BCAR3: variants seen among roughly 807,000 people sequenced by gnomAD.
The protein encoded by BCAR3 is breast cancer anti-estrogen resistance protein 3.
A neutral mutation model predicts 80.1 loss-of-function variants in BCAR3; 37 were observed. The ratio of observed to expected loss-of-function variants is 0.46; its 90% CI spans 0.36 to 0.61. The LOEUF is 0.61. Ranked by LOEUF, BCAR3 falls within the 20% of genes least tolerant of loss-of-function variation. BCAR3 has a pLI of 0.00. For missense variants in BCAR3, 978 were observed against 1,068.2 expected (o/e 0.92, Z 1.18); for synonymous variants, 389 against 418.9 (o/e 0.93, Z 0.87).
intron 2 of BCAR3, among the ~76,000 whole-genome samples, chr1:93,826,666 G>A (rs1654383565): frequency 6.6e-6 from 1 of 152,208 alleles, no homozygotes; most frequent in Non-Finnish European, 1.5e-5. Flanking sequence ...GAGAAGGAAA[G>A]TCAGGGTGCT....
intron 3 of BCAR3, among the ~76,000 whole-genome samples, chr1:93,617,232 C>T (rs565613164): frequency 2.2e-4 from 33 of 152,324 alleles, no homozygotes; most frequent in African/African-American, 5.5e-4. Context: ...CAAAGCACCA[C>T]GGTCCCTGCT....
chr1:93,730,311 T>A (rs1650740311), intron 2 of BCAR3, among the ~76,000 whole-genome samples: 2 of 152,098 alleles, frequency 1.3e-5, no homozygotes, highest in South Asian at 2.1e-4. Context: ...ACCTGGAACT[T>A]TCCATCTTAT....
intron 3 of BCAR3, among the ~76,000 whole-genome samples, chr1:93,700,134 G>A (rs1649584759): frequency 6.6e-6 from 1 of 152,212 alleles, no homozygotes; most frequent in South Asian, 2.1e-4. Context: ...CCAGGAGTAT[G>A]CCAATTGCAC....
At chr1:93,747,322 C>T (rs548289272) in intron 2 of BCAR3, among the ~76,000 whole-genome samples, 1 of 147,978 alleles carries the variant, frequency 6.8e-6, no homozygotes, top group African/African-American at 2.7e-5. Flanking sequence ...TGTCCAGGTT[C>T]TAGAAGTAGT....
In BCAR3 at chr1:93,707,172, T is replaced by G. The variant is rs1011455452; in HGVS notation, c.-62-1030A>C. On this transcript the variant is annotated intron_variant, in intron 2 of 13. Coordinates refer to the BCAR3 transcript ENST00000370244. ...CCTAGGTGACAACAGCAAGACTCCA[T>G]CTCAAAAAAACAAAAAAAGTATACA... 2.3e-4 allele frequency among the ~76,000 whole-genome samples: 35 copies of G among 151,808 alleles called. 4 individuals carry two copies. The highest frequency in any genetic ancestry group is 1.1e-3 in the Admixed American group (17 of 15,256).
rs116324647 is a variant in BCAR3 at position 93,586,456 on chromosome 1, G to C, written c.930-2335C>G. Among the ~76,000 whole-genome samples, 1,778 of 152,240 alleles carry C rather than the reference G, an allele frequency of 0.012. 37 individuals are homozygous for C. The highest frequency in any genetic ancestry group is 0.04 in the African/African-American group (1,659 of 41,522). The stretch of plus-strand genomic sequence containing the variant: ...TCCCTTATCTATTCAGCTGTTGATG[G>C]ACACTTAGGCTGCTTCCAAATCTTA... On this transcript the variant is annotated intron_variant, in intron 5 of 11. Transcript: ENST00000260502. This position sits in a 1 kb window ranked among gnomAD's most constrained non-coding sequence, Gnocchi z 4.2.
chr1:93,691,880 C>T (rs888981128), intron 3 of BCAR3, among the ~76,000 whole-genome samples: 5 of 152,114 alleles, frequency 3.3e-5, no homozygotes, highest in Admixed American at 1.3e-4. Context: ...CAGGGGTGTA[C>T]GATCCCACAC....
intron 2 of BCAR3, chr1:93,753,085 T>C (rs1048159195): frequency 2.0e-5 from 3 of 152,252 alleles, no homozygotes; most frequent in Admixed American, 1.3e-4. Flanking sequence ...ACAGTTTAAA[T>C]GTGAACACTT....
At chr1:93,727,803 C>T (rs573628748) in intron 2 of BCAR3, among the ~76,000 whole-genome samples, 46 of 152,342 alleles carry the variant, frequency 3.0e-4, no homozygotes, top group African/African-American at 1.1e-3. Context: ...CCAAAAGACA[C>T]ATCCACTTTG....
At chr1:93,566,458 C>T (rs1256360757) in intron 11 of BCAR3, among the ~76,000 whole-genome samples, 1 of 152,108 alleles carries the variant, frequency 6.6e-6, no homozygotes, top group African/African-American at 2.4e-5. Flanking sequence ...AGCACGGTGC[C>T]GCGCGCATGC....
chr1:93,566,997 G>A (rs958365198), intron 11 of BCAR3, among the ~76,000 whole-genome samples: 1 of 152,110 alleles, frequency 6.6e-6, no homozygotes, highest in Non-Finnish European at 1.5e-5. Flanking sequence ...CAGAGTGCTG[G>A]GATTACAGGC....
intron 3 of BCAR3, among the ~76,000 whole-genome samples, chr1:93,612,378 A>G (rs1674978324): frequency 6.6e-6 from 1 of 152,108 alleles, no homozygotes; most frequent in African/African-American, 2.4e-5. Context: ...CACAAGCTGA[A>G]GGACAGCTGG....
intron 2 of BCAR3, among the ~76,000 whole-genome samples, chr1:93,657,873 TCTAGATGGTGA>T (rs1427037338): frequency 2.6e-5 from 4 of 151,988 alleles, no homozygotes; most frequent in African/African-American, 9.7e-5. Context: ...CAAGTGTCAT[TCTAGATGGTGA>T]AGTATTAGAA....
In BCAR3 at chr1:93,582,925, A is replaced by C. The variant is rs1343855878; in HGVS notation, c.1062T>G (p.Gly354=). The C allele has an allele frequency of 2.5e-6, 4 of 1,596,968 alleles. No individual in the cohort carries two copies. The highest frequency in any genetic ancestry group is 3.4e-6 in the Non-Finnish European group (4 of 1,175,058). The change falls in exon 7 of 12, where the codon GGT becomes GGG. Residue 354 remains glycine (G), a synonymous_variant. Coordinates refer to ENST00000260502, the MANE Select transcript of BCAR3 (RefSeq NM_003567.4). ...AGTTTGGGCAGGGGCTTGTGTCCACACCCGAGGACTGAGGTGGCAGCTTGC... is the reference window on the plus strand; with the variant it reads ...AGTTTGGGCAGGGGCTTGTGTCCACCCCCGAGGACTGAGGTGGCAGCTTGC... The part of the protein sequence containing the change: ...IGCKLPPQSS[G]VDTSPCPNSP...
Position 93,823,950 on chromosome 1 carries a change from G to A in BCAR3, c.-63+21617C>T, listed in dbSNP as rs1397310643. Among the ~76,000 whole-genome samples, 5 of 133,202 alleles carry A rather than the reference G, an allele frequency of 3.8e-5. No individual in the cohort carries two copies. The Admixed American group carries it at 3.9e-4, about 10-fold the overall frequency. The allele number at this position is 133,202 out of a possible 152,430, so 87.4% of individuals were successfully genotyped here. The stretch of plus-strand genomic sequence containing the variant: ...CCTGACCTCGTGATCCACCCTCCTC[G>A]GCCTCCCAAAGTGCTAGGATTACAG... On this transcript the variant is annotated intron_variant, in intron 2 of 13. Coordinates refer to the BCAR3 transcript ENST00000370244.
intron 7 of BCAR3, among the ~76,000 whole-genome samples, chr1:93,580,494 A>C (rs1340166571): frequency 6.6e-6 from 1 of 150,676 alleles, no homozygotes; most frequent in Non-Finnish European, 1.5e-5. Flanking sequence ...TCAACCAACC[A>C]AGGATCAAAA....
chr1:93,834,937 C>T (rs1247420892), intron 2 of BCAR3, among the ~76,000 whole-genome samples: 2 of 152,182 alleles, frequency 1.3e-5, no homozygotes, highest in Non-Finnish European at 2.9e-5. Context: ...TCCTTCTTTC[C>T]TGTTCCTCAC....
intron 2 of BCAR3, among the ~76,000 whole-genome samples, chr1:93,835,696 G>A (rs1412591044): frequency 6.6e-6 from 1 of 152,062 alleles, no homozygotes; most frequent in Non-Finnish European, 1.5e-5. Flanking sequence ...ACTCCTCAGG[G>A]ATTGTTCAGA....
At chr1:93,603,401 T>A (rs1299351466) in intron 3 of BCAR3, among the ~76,000 whole-genome samples, 1 of 152,186 alleles carries the variant, frequency 6.6e-6, no homozygotes, top group Admixed American at 6.5e-5. Flanking sequence ...GGAAAGGGTG[T>A]CTTACTCTTA....
Sources: allele counts gnomAD v4.1 joint callset (sites outside exome capture counted in the v4.1 genomes callset), GRCh38; gene constraint gnomAD v4.1.1; non-coding constraint Gnocchi (gnomAD v3.1); transcripts MANE v1.5; gene names NCBI Gene and HGNC (gene_info 2026-07-23, HGNC 2026-07-21).